TONSL: variants seen among roughly 807,000 people sequenced by gnomAD.
The protein encoded by TONSL is tonsoku-like protein.
Under a neutral mutation model 147.1 loss-of-function variants are expected in TONSL, and 112 were observed. The observed-to-expected ratio is 0.76, with a 90% CI of 0.65 to 0.89. The LOEUF (loss-of-function observed/expected upper bound fraction) is 0.89. Among genes scored for constraint, TONSL ranks in the 40% least tolerant of loss-of-function variants. TONSL has a pLI of 0.00. For synonymous variants in TONSL, 868 were observed against 801.5 expected (o/e 1.08, Z -1.40); for missense variants, 1,883 against 1,864.6 (o/e 1.01, Z -0.18).
At chr8:144,434,781 C>T (rs1295758592) in intron 20 of TONSL, 30 bp downstream of exon 20, 3 of 1,608,998 alleles carry the variant, frequency 1.9e-6, no homozygotes, top group South Asian at 2.2e-5. Context: ...TACGACCTCA[C>T]CCAGAAACTG....
chr8:144,441,154 C>G, intron 7 of TONSL, 43 bp from the exon 8 acceptor site: 2 of 1,601,578 alleles, frequency 1.2e-6, no homozygotes, highest in Non-Finnish European at 1.7e-6. Flanking sequence ...ACAGGGGGCC[C>G]TGACCCCAGC....
chr8:144,434,168 A>G lies in TONSL; in HGVS notation c.3197T>C (p.Leu1066Pro). 6.2e-7 allele frequency: 1 copy of G among 1,608,396 alleles called. No individual in the cohort carries two copies. The highest frequency in any genetic ancestry group is 8.5e-7 in the Non-Finnish European group (1 of 1,177,142). ...QAQLTPLLRA[L>P]KLHTALRELR... ...CTCCCGGAGTGCTGTGTGCAGCTTG[A>G]GGGCCCGCAGCAGGGGTGTAAGCTG... The change falls in exon 21 of 26, where the codon CTC (leucine) becomes CCC (proline). Residue 1066 changes from leucine to proline, a missense_variant. Physicochemically the swap from Leu to Pro is moderately conservative, Grantham distance 98. Transcript: ENST00000409379.
chr8:144,441,940 G>A (rs1020192152), intron 7 of TONSL, 97 bp downstream of exon 7: 10 of 1,041,998 alleles, frequency 9.6e-6, no homozygotes, highest in Admixed American at 8.9e-5. Flanking sequence ...CCTCTGTGAG[G>A]GAGAGAGCCC....
At position 144,436,115 on chromosome 8, in the gene TONSL, G is replaced by T; in HGVS notation, c.2318C>A (p.Thr773Lys). ...SATAQRVAAWTPGPASNREAA... is the reference protein window; with the variant it reads ...SATAQRVAAWKPGPASNREAA... ...TTCCCTGTTGCTGGCGGGGCCAGGC[G>T]TCCAGGCTGCCACCCGTTGTGCTGT... Residue 773 changes from threonine (T) to lysine (K), a missense_variant, in exon 17 of 26, where the codon ACG becomes AAG. Physicochemically the swap from Thr to Lys is moderately conservative, Grantham distance 78. Coordinates refer to ENST00000409379, the MANE Select transcript of TONSL (RefSeq NM_013432.5). 1 of 1,557,230 alleles carries T rather than the reference G, an allele frequency of 6.4e-7. No individual in the cohort carries two copies. The highest frequency in any genetic ancestry group is 8.6e-7 in the Non-Finnish European group (1 of 1,158,190).
chr8:144,430,525 C>T lies in TONSL; in HGVS notation c.3822G>A (p.Leu1274=). Residue 1274 remains leucine (L), a synonymous_variant, in exon 25 of 26, where the codon CTG becomes CTA. Coordinates refer to ENST00000409379, the MANE Select transcript of TONSL (RefSeq NM_013432.5). ...AVRDLCRCLS[L]CPSLISLDLS... is the part of the protein sequence containing the mutation. ...GATCCAGTGAGATGAGTGAGGGGCA[C>T]AGAGAGAGACATCTGAGATAACATG... The T allele has an allele frequency of 6.2e-7, 1 of 1,611,030 alleles. No homozygotes were observed. The highest frequency in any genetic ancestry group is 8.5e-7 in the Non-Finnish European group (1 of 1,178,722).
Position 144,442,715 on chromosome 8 carries a change from C to G in TONSL, c.540G>C (p.Leu180=), listed in dbSNP as rs1311400218. The G allele has an allele frequency of 1.2e-6, 2 of 1,613,034 alleles. No individual in the cohort carries two copies. The highest frequency in any genetic ancestry group is 1.7e-6 in the Non-Finnish European group (2 of 1,179,954). Residue 180 remains leucine, a synonymous_variant, in exon 5 of 26, where the codon CTG becomes CTC. Transcript: ENST00000409379. ...LTFESLQQTA[L]CNDYFRKSIF... ...TGCTCTTCCTGAAGTAATCGTTGCA[C>G]AGGGCTGTCTGCTGCAGGCTCTCAA...
chr8:144,432,663 C>T (rs1399402380), intron 22 of TONSL: 5 of 511,514 alleles, frequency 9.8e-6, no homozygotes, highest in East Asian at 3.5e-5. Flanking sequence ...GCTCGGCTGC[C>T]CCCAGTTCTG....
Position 144,438,647 on chromosome 8 carries a change from C to T in TONSL, c.1563+6G>A. The T allele has an allele frequency of 6.2e-7, 1 of 1,613,012 alleles. No homozygotes were observed. Among genetic ancestry groups the T allele is most frequent in the Middle Eastern group, 1.7e-4 (1 of 6,024 alleles). On this transcript the variant is annotated splice_donor_region_variant and intron_variant, in intron 12 of 25. Transcript: ENST00000409379. ...GGGGTGGGTGGGGGCAGGGCACTGT[C>T]CTCACCTTGCTCCCCTTCCGCCGGC...
At chr8:144,444,154 T>C in intron 2 of TONSL, 26 bp downstream of exon 2, 1 of 1,406,076 alleles carries the variant, frequency 7.1e-7, no homozygotes, top group South Asian at 1.5e-5. Flanking sequence ...CGGCCCTGCC[T>C]CCCGCCTCCT....
Position 144,435,880 on chromosome 8 carries a change from C to T in TONSL, c.2553G>A (p.Arg851=). 6.3e-7 allele frequency: 1 copy of T among 1,598,358 alleles called. No homozygotes were observed. The part of the protein sequence containing the change: ...PLTRSRRPRP[R]GTGDNRRPSS... The stretch of plus-strand genomic sequence containing the variant: ...TGGGCCTGCGGTTGTCTCCAGTGCC[C>T]CGGGGGCGGGGCCGGCGGCTGCGGG... The change falls in exon 17 of 26, where the codon CGG becomes CGA. Residue 851 remains arginine, a synonymous_variant. Transcript: ENST00000409379.
intron 11 of TONSL, 73 bp downstream of exon 11, chr8:144,439,948 G>GCAGCA: frequency 1.4e-6 from 1 of 738,040 alleles, no homozygotes; most frequent in South Asian, 1.5e-5. Flanking sequence ...AGGCTCCACA[G>GCAGCA]CAGCACAGCA....
Position 144,440,963 on chromosome 8 carries a change from C to T in TONSL, c.1011+3G>A, listed in dbSNP as rs368363628. The T allele has an allele frequency of 8.7e-5, 141 of 1,613,082 alleles. 1 individual carries two copies. The highest frequency in any genetic ancestry group is 4.7e-4 in the African/African-American group (35 of 75,050). ...TCCCTCCCACCCAGCCGGGGCCACA[C>T]ACCTGCTTCTGGTAAGCCTCAGCTG... On this transcript the variant is annotated splice_donor_region_variant and intron_variant, in intron 8 of 25. Coordinates refer to ENST00000409379, the MANE Select transcript of TONSL (RefSeq NM_013432.5).
At position 144,428,914 on chromosome 8, in the gene TONSL, G is replaced by A. The variant is rs185364624; in HGVS notation, c.*229C>T. 7.3e-6 allele frequency: 3 copies of A among 412,150 alleles called. No individual in the cohort carries two copies. The highest frequency in any genetic ancestry group is 4.1e-5 in the East Asian group (1 of 24,386). 25.5% of individuals were successfully genotyped at this position (412,150 alleles called of 1,614,324 possible). ...ACGCCATTCTCCTGCCTCAGCCTCC[G>A]GAGTAGCTGGGACTACAGGCTTCCA... On this transcript the variant is annotated 3_prime_UTR_variant, in exon 26 of 26. Transcript: ENST00000409379.
Position 144,437,025 on chromosome 8 carries a change from A to T in TONSL, c.1726+2T>A. 1 of 1,613,136 alleles carries T rather than the reference A, an allele frequency of 6.2e-7. No homozygotes were observed. The highest frequency in any genetic ancestry group is 8.5e-7 in the Non-Finnish European group (1 of 1,179,906). ...GCCAGGCTCCTTCTGTCCCTTGCTC[A>T]CCTAGATGCCCGTAGTTGCAGGCCT... On this transcript the variant is annotated splice_donor_variant, in intron 14 of 25. Transcript: ENST00000409379. LOFTEE classifies it high-confidence loss of function.
chr8:144,433,945 C>A (rs1554879300), intron 21 of TONSL, 33 bp downstream of exon 21: 1 of 1,529,792 alleles, frequency 6.5e-7, no homozygotes, highest in Non-Finnish European at 8.8e-7. Flanking sequence ...CAACTCCCCG[C>A]TGTTGAGGGC....
chr8:144,440,873 G>T lies in TONSL; in HGVS notation c.1012-3C>A, dbSNP rs778778153. 1 of 1,612,692 alleles carries T rather than the reference G, an allele frequency of 6.2e-7. No homozygotes were observed. The highest frequency in any genetic ancestry group is 8.5e-7 in the Non-Finnish European group (1 of 1,179,878). On this transcript the variant is annotated splice_polypyrimidine_tract_variant and splice_region_variant and intron_variant, in intron 8 of 25. Coordinates refer to ENST00000409379, the MANE Select transcript of TONSL (RefSeq NM_013432.5). ...TCCAGCAGCTCAGCAAAACGCAGCT[G>T]GGGGCAGTGCCAGTGAGGCCAGGGG...
In TONSL at chr8:144,434,109, A is replaced by C. The variant is rs782731124; in HGVS notation, c.3256T>G (p.Cys1086Gly). The change falls in exon 21 of 26, where the codon TGT (cysteine) becomes GGT (glycine). Residue 1086 changes from cysteine to glycine, a missense_variant. Cys to Gly is a radical substitution (Grantham distance 159, BLOSUM62 -3). Transcript: ENST00000409379. ...RLAGNRLGDK[C>G]VAELVAALGT... ...AGGGCAGCCACCAGCTCAGCCACAC[A>C]CTTGTCCCCCAGCCGGTTCCCTGCC... is the stretch of plus-strand genomic sequence containing the variant. The C allele has an allele frequency of 1.2e-6, 2 of 1,611,976 alleles. No individual in the cohort carries two copies. The highest frequency in any genetic ancestry group is 2.2e-5 in the South Asian group (2 of 91,042).
rs1299355862 is a variant in TONSL at position 144,436,108 on chromosome 8, G to T, written c.2325C>A (p.Gly775=). 4.5e-6 allele frequency: 7 copies of T among 1,558,176 alleles called. No homozygotes were observed. Among genetic ancestry groups the T allele is most frequent in the Non-Finnish European group, 6.0e-6 (7 of 1,158,666 alleles). The change falls in exon 17 of 26, where the codon GGC becomes GGA. Residue 775 remains glycine (G), a synonymous_variant. Transcript: ENST00000409379. The part of the protein sequence containing the change: ...TAQRVAAWTP[G]PASNREAATA... ...TGGCTGCTTCCCTGTTGCTGGCGGGGCCAGGCGTCCAGGCTGCCACCCGTT... is the reference window on the plus strand; with the variant it reads ...TGGCTGCTTCCCTGTTGCTGGCGGGTCCAGGCGTCCAGGCTGCCACCCGTT...
intron 11 of TONSL, among the ~76,000 whole-genome samples, chr8:144,438,938 G>C (rs942112031): frequency 2.0e-5 from 3 of 152,110 alleles, no homozygotes; most frequent in African/African-American, 7.2e-5. Context: ...CTGGGACCCT[G>C]CTCCTGCCCA....
Sources: allele counts gnomAD v4.1 joint callset (sites outside exome capture counted in the v4.1 genomes callset), GRCh38; gene constraint gnomAD v4.1.1; transcripts MANE v1.5; gene names NCBI Gene and HGNC (gene_info 2026-07-23, HGNC 2026-07-21).